The following OPCML variants were observed in gnomAD, a reference collection of about 807,000 sequenced individuals.
OPCML encodes opioid binding protein/cell adhesion molecule like.
In OPCML, 13 loss-of-function variants were observed where a neutral mutation model predicts 37.8. The observed-to-expected ratio is 0.34, with a 90% CI of 0.22 to 0.55. The LOEUF is 0.55. OPCML is among the 20% of genes least tolerant of loss of function. The pLI is 0.91. For synonymous variants in OPCML, 176 were observed against 168.8 expected (o/e 1.04, Z -0.33); for missense variants, 341 against 435.6 (o/e 0.78, Z 1.93).
chr11:133,456,075 G>T (rs1335436714), intron 1 of OPCML, among the ~76,000 whole-genome samples: 4 of 152,208 alleles, frequency 2.6e-5, no homozygotes, highest in African/African-American at 9.6e-5. Context: ...TTGTAACTCA[G>T]GCTGGTGGAA....
At chr11:133,482,129 C>T (rs939285592) in intron 1 of OPCML, among the ~76,000 whole-genome samples, 4 of 152,144 alleles carry the variant, frequency 2.6e-5, no homozygotes, top group Admixed American at 2.0e-4. Flanking sequence ...AGCACAGTAA[C>T]TGAAAATTCA....
chr11:132,508,489 T>C (rs1389430445), intron 4 of OPCML, among the ~76,000 whole-genome samples: 2 of 145,212 alleles, frequency 1.4e-5, no homozygotes, highest in African/African-American at 5.0e-5. Context: ...AAATGGAAGA[T>C]CTAGTCACAC....
intron 2 of OPCML, among the ~76,000 whole-genome samples, chr11:132,819,067 G>A (rs1591651425): frequency 6.7e-6 from 1 of 149,800 alleles, no homozygotes. Flanking sequence ...TGTGTGCTAT[G>A]TATGGATTAT....
chr11:132,898,782 G>A (rs1190040709), intron 2 of OPCML, among the ~76,000 whole-genome samples: 2 of 152,042 alleles, frequency 1.3e-5, no homozygotes, highest in African/African-American at 4.8e-5. Context: ...TCCAGAGAGA[G>A]TAATGTTTCC....
intron 1 of OPCML, among the ~76,000 whole-genome samples, chr11:133,216,611 G>A (rs1206574163): frequency 6.6e-6 from 1 of 152,036 alleles, no homozygotes; most frequent in Admixed American, 6.5e-5. Context: ...ATTTATATGT[G>A]TCACTATTTC....
chr11:133,054,197 C>G (rs554661668), intron 1 of OPCML, among the ~76,000 whole-genome samples: 2 of 152,158 alleles, frequency 1.3e-5, no homozygotes, highest in South Asian at 2.1e-4. Context: ...TGGCCCTGCT[C>G]TCATCATGTT....
At chr11:133,270,473 G>A (rs2136478778) in intron 1 of OPCML, among the ~76,000 whole-genome samples, 1 of 152,248 alleles carries the variant, frequency 6.6e-6, no homozygotes, top group Admixed American at 6.5e-5. Context: ...GATGCTTGGA[G>A]ACATATAAGG....
chr11:132,488,272 C>A (rs2508982), intron 4 of OPCML, among the ~76,000 whole-genome samples: 69,001 of 152,080 alleles, frequency 0.45, 16,068 homozygotes, highest in East Asian at 0.74. Context: ...TACTACAGTA[C>A]ATGTCACTTA....
At chr11:133,339,405 G>A in intron 1 of OPCML, among the ~76,000 whole-genome samples, 1 of 152,190 alleles carries the variant, frequency 6.6e-6, no homozygotes, top group East Asian at 1.9e-4. Context: ...TGTTCCCATA[G>A]CCCATGCTCT....
intron 1 of OPCML, among the ~76,000 whole-genome samples, chr11:133,376,812 A>G (rs12286731): frequency 0.078 from 11,833 of 152,266 alleles, 525 homozygotes; most frequent in Admixed American, 0.15. Flanking sequence ...AAATAGCAAT[A>G]ATAATAACAA....
intron 1 of OPCML, among the ~76,000 whole-genome samples, chr11:133,447,184 T>C (rs928194206): frequency 2.6e-5 from 4 of 152,210 alleles, no homozygotes; most frequent in African/African-American, 9.7e-5. Flanking sequence ...AGGCTCCCCA[T>C]ATCCTTGTCA....
chr11:133,372,738 CCTAAAAG>C (rs1158650032), intron 1 of OPCML, among the ~76,000 whole-genome samples: 1 of 152,136 alleles, frequency 6.6e-6, no homozygotes, highest in Non-Finnish European at 1.5e-5. Flanking sequence ...CACTGAGTTC[CCTAAAAG>C]CTAAATGCCC....
intron 4 of OPCML, among the ~76,000 whole-genome samples, chr11:132,502,797 A>G (rs1035972451): frequency 3.9e-5 from 6 of 152,200 alleles, no homozygotes; most frequent in Non-Finnish European, 7.3e-5. Flanking sequence ...GTAATAACAT[A>G]TGGAAGCACA....
At chr11:133,043,281 T>C (rs1307036250) in intron 1 of OPCML, among the ~76,000 whole-genome samples, 2 of 152,212 alleles carry the variant, frequency 1.3e-5, no homozygotes, top group African/African-American at 4.8e-5. Flanking sequence ...GACTTGAAAC[T>C]GGCCTAAATT....
intron 2 of OPCML, among the ~76,000 whole-genome samples, chr11:132,834,464 C>A (rs990282886): frequency 6.6e-6 from 1 of 152,212 alleles, no homozygotes; most frequent in African/African-American, 2.4e-5. Flanking sequence ...GAAGTCCAAA[C>A]CAAGGTGTTG....
At chr11:132,699,071 G>C (rs1943708245) in intron 2 of OPCML, among the ~76,000 whole-genome samples, 1 of 151,488 alleles carries the variant, frequency 6.6e-6, no homozygotes, top group Admixed American at 6.6e-5. Flanking sequence ...CAGTGTACAA[G>C]TCTTTTACCT....
intron 1 of OPCML, among the ~76,000 whole-genome samples, chr11:133,389,697 A>G (rs1349283244): frequency 6.6e-6 from 1 of 152,214 alleles, no homozygotes; most frequent in African/African-American, 2.4e-5. Context: ...AAGCCAGTCC[A>G]TCTTCTCATT....
intron 2 of OPCML, among the ~76,000 whole-genome samples, chr11:132,721,950 CTTTTTTT>C (rs34325848): frequency 1.2e-5 from 1 of 82,782 alleles, no homozygotes; most frequent in Non-Finnish European, 2.2e-5. Context: ...CTTTCCTTCC[CTTTTTTT>C]TTTTTTTTTT....
intron 2 of OPCML, among the ~76,000 whole-genome samples, chr11:132,717,427 G>A (rs1208305072): frequency 1.3e-5 from 2 of 152,126 alleles, no homozygotes; most frequent in Non-Finnish European, 2.9e-5. Flanking sequence ...AATGTCCACA[G>A]AAGAAAGAAA....
Sources: gnomAD v4.1 joint callset for allele counts (sites outside exome capture counted in the v4.1 genomes callset) on GRCh38, gnomAD v4.1.1 for gene constraint, MANE v1.5 for transcripts, NCBI Gene and HGNC (gene_info 2026-07-23, HGNC 2026-07-21) for gene names.